PDE3B: variants seen among roughly 807,000 people sequenced by gnomAD.
PDE3B encodes phosphodiesterase 3B.
Under a neutral mutation model 116.8 loss-of-function variants are expected in PDE3B, and 66 were observed. That is an observed-to-expected ratio of 0.56 (90% CI 0.46 to 0.69). The LOEUF (loss-of-function observed/expected upper bound fraction) is 0.69. Ranked by LOEUF, PDE3B falls within the 30% of genes least tolerant of loss-of-function variation. PDE3B has a pLI of 0.00. For missense variants in PDE3B, 1,384 were observed against 1,368.1 expected (o/e 1.01, Z -0.18); for synonymous variants, 595 against 533.6 (o/e 1.12, Z -1.59).
chr11:14,672,168 A>G (rs1044603082), intron 1 of PDE3B, among the ~76,000 whole-genome samples: 1 of 151,556 alleles, frequency 6.6e-6, no homozygotes, highest in African/African-American at 2.4e-5. Flanking sequence ...TTTCTTAAGC[A>G]CAAGGACAAT....
intron 1 of PDE3B, among the ~76,000 whole-genome samples, chr11:14,670,213 G>A (rs1470090454): frequency 6.6e-6 from 1 of 152,124 alleles, no homozygotes; most frequent in Non-Finnish European, 1.5e-5. Flanking sequence ...GCACTTTCCA[G>A]CTTGATGACC....
chr11:14,798,407 C>T (rs140231465), intron 4 of PDE3B, among the ~76,000 whole-genome samples: 2 of 152,060 alleles, frequency 1.3e-5, no homozygotes, highest in Non-Finnish European at 2.9e-5. Flanking sequence ...TTTGTTGTGT[C>T]TCTTCCAGGT....
intron 4 of PDE3B, among the ~76,000 whole-genome samples, chr11:14,789,910 A>T (rs1858332331): frequency 6.6e-6 from 1 of 152,040 alleles, no homozygotes; most frequent in Non-Finnish European, 1.5e-5. Flanking sequence ...AAAGCCAGGA[A>T]GGATACTGAT....
chr11:14,809,364 C>T (rs1444734812), intron 5 of PDE3B, among the ~76,000 whole-genome samples: 2 of 152,110 alleles, frequency 1.3e-5, no homozygotes, highest in Non-Finnish European at 1.5e-5. Context: ...TTAAACAAAA[C>T]GTGGCTTAAC....
At chr11:14,756,998 T>G (rs1288417062) in intron 1 of PDE3B, among the ~76,000 whole-genome samples, 1 of 133,406 alleles carries the variant, frequency 7.5e-6, no homozygotes, top group African/African-American at 2.9e-5. Flanking sequence ...TTCCCCTTCC[T>G]GTGTCCATGT....
downstream of PDE3B, among the ~76,000 whole-genome samples, chr11:14,874,008 T>G (rs551769220): frequency 2.0e-5 from 3 of 152,214 alleles, no homozygotes; most frequent in Non-Finnish European, 4.4e-5. Flanking sequence ...GTAACATGGC[T>G]CTCAGTATTA....
chr11:14,668,033 A>T (rs552201073), intron 1 of PDE3B, among the ~76,000 whole-genome samples: 2 of 142,268 alleles, frequency 1.4e-5, no homozygotes, highest in African/African-American at 2.6e-5. Context: ...ATGCAAGAGT[A>T]AAAAAAAAAA....
intron 1 of PDE3B, 32 bp downstream of exon 1, chr11:14,645,085 C>T (rs1337653133): frequency 4.1e-6 from 6 of 1,472,406 alleles, no homozygotes; most frequent in Non-Finnish European, 5.4e-6. Flanking sequence ...GTCTGGGACG[C>T]GAGCGGGTTC....
intron 1 of PDE3B, among the ~76,000 whole-genome samples, chr11:14,758,876 C>A (rs1857271711): frequency 6.6e-6 from 1 of 151,768 alleles, no homozygotes; most frequent in Admixed American, 6.6e-5. Context: ...CCAGTTTTTG[C>A]CCATTCAGTA....
intron 1 of PDE3B, among the ~76,000 whole-genome samples, chr11:14,753,035 A>G (rs1210955227): frequency 6.6e-6 from 1 of 152,156 alleles, no homozygotes; most frequent in Admixed American, 6.6e-5. Context: ...TGGAAGTGGT[A>G]AGATAACATA....
At chr11:14,728,472 A>G (rs1216953108) in intron 1 of PDE3B, among the ~76,000 whole-genome samples, 1 of 152,158 alleles carries the variant, frequency 6.6e-6, no homozygotes, top group African/African-American at 2.4e-5. Flanking sequence ...ACATTTTTAG[A>G]GTACATTTTA....
At chr11:14,677,702 C>A (rs1590055093) in intron 1 of PDE3B, among the ~76,000 whole-genome samples, 1 of 152,150 alleles carries the variant, frequency 6.6e-6, no homozygotes, top group East Asian at 1.9e-4. Flanking sequence ...GTTATATCTT[C>A]CTTCTATCCC....
At chr11:14,716,015 C>A (rs1404839580) in intron 1 of PDE3B, among the ~76,000 whole-genome samples, 2 of 152,172 alleles carry the variant, frequency 1.3e-5, no homozygotes, top group African/African-American at 2.4e-5. Flanking sequence ...GTACCGGGTT[C>A]ATCTCACTAG....
intron 1 of PDE3B, among the ~76,000 whole-genome samples, chr11:14,739,285 G>A (rs1382570030): frequency 6.6e-6 from 1 of 152,166 alleles, no homozygotes; most frequent in Non-Finnish European, 1.5e-5. Flanking sequence ...TCCTTGAGCA[G>A]TGGTTTGTAG....
chr11:14,782,915 G>GA (rs532821930), intron 2 of PDE3B, among the ~76,000 whole-genome samples: 133 of 152,126 alleles, frequency 8.7e-4, no homozygotes, highest in African/African-American at 3.0e-3. Flanking sequence ...AAATTTACAA[G>GA]AAAAAAATCA....
intron 1 of PDE3B, among the ~76,000 whole-genome samples, chr11:14,648,183 A>T (rs1853466524): frequency 6.6e-6 from 1 of 152,074 alleles, no homozygotes; most frequent in Non-Finnish European, 1.5e-5. Flanking sequence ...TTTCAATGAG[A>T]TCACTTTGTG....
chr11:14,779,738 T>G (rs762619124), intron 2 of PDE3B, among the ~76,000 whole-genome samples: 146 of 152,244 alleles, frequency 9.6e-4, no homozygotes, highest in Non-Finnish European at 1.8e-3. Flanking sequence ...AGACCATCGA[T>G]GCTAGGAAGA....
chr11:14,668,098 A>G (rs2133775835), intron 1 of PDE3B, among the ~76,000 whole-genome samples: 1 of 152,050 alleles, frequency 6.6e-6, no homozygotes, highest in Admixed American at 6.6e-5. Flanking sequence ...AAAGGAAGAA[A>G]GGGGGAGACA....
At chr11:14,756,201 TAAA>T (rs1391100013) in intron 1 of PDE3B, among the ~76,000 whole-genome samples, 12 of 152,206 alleles carry the variant, frequency 7.9e-5, no homozygotes, top group African/African-American at 9.6e-5. Context: ...CTAAGAATGA[TAAA>T]AAAGAAATAT....
Sources: allele counts gnomAD v4.1 joint callset (sites outside exome capture counted in the v4.1 genomes callset), GRCh38; gene constraint gnomAD v4.1.1; transcripts MANE v1.5; gene names NCBI Gene and HGNC (gene_info 2026-07-23, HGNC 2026-07-21).